The following SPATA16 variants were observed in gnomAD, a reference collection of about 807,000 sequenced individuals.
SPATA16 encodes the protein spermatogenesis associated 16, also known as spermatogenesis-associated protein 16.
In SPATA16, 36 loss-of-function variants were observed where a neutral mutation model predicts 63.3. That is an observed-to-expected ratio of 0.57 (90% CI 0.44 to 0.75). The LOEUF is 0.75. SPATA16 is among the 30% of genes least tolerant of loss of function. The probability of loss-of-function intolerance (pLI) is 0.00; values close to 1 mark genes in which losing one functional copy is unlikely to be tolerated. For missense variants in SPATA16, 646 were observed against 679.3 expected (o/e 0.95, Z 0.54); for synonymous variants, 203 against 216.7 (o/e 0.94, Z 0.56).
At chr3:173,098,373 T>G (rs1737410707) in intron 2 of SPATA16, among the ~76,000 whole-genome samples, 1 of 152,216 alleles carries the variant, frequency 6.6e-6, no homozygotes, top group African/African-American at 2.4e-5. Context: ...GCAATTGATG[T>G]AGACCCTAAT....
chr3:173,060,776 T>A (rs550203207), intron 2 of SPATA16, among the ~76,000 whole-genome samples: 1 of 152,372 alleles, frequency 6.6e-6, no homozygotes, highest in South Asian at 2.1e-4. Context: ...AGCTACTCAC[T>A]ACTTTTTAAA....
At chr3:172,893,989 G>A (rs1731951243) in intron 10 of SPATA16, among the ~76,000 whole-genome samples, 1 of 152,098 alleles carries the variant, frequency 6.6e-6, no homozygotes, top group Non-Finnish European at 1.5e-5. Context: ...AAAGAAGAAA[G>A]TTGAGGAAAT....
At chr3:173,027,973 TTCTCCCTC>T (rs1464559998) in intron 3 of SPATA16, among the ~76,000 whole-genome samples, 2 of 84,824 alleles carry the variant, frequency 2.4e-5, no homozygotes, top group African/African-American at 8.9e-5. Flanking sequence ...AATTTATTTT[TTCTCCCTC>T]CCTCCCTCCC....
intron 2 of SPATA16, among the ~76,000 whole-genome samples, chr3:173,088,008 G>A (rs67180006): frequency 0.084 from 7,639 of 90,806 alleles, 501 homozygotes; most frequent in South Asian, 0.12. Context: ...TTTTCTTTCC[G>A]TCTTTCTTTC....
intron 6 of SPATA16, among the ~76,000 whole-genome samples, chr3:172,940,219 G>A (rs544185644): frequency 2.0e-5 from 3 of 152,292 alleles, no homozygotes; most frequent in African/African-American, 4.8e-5. Context: ...TGAACATGAC[G>A]AGGGGGTTGT....
chr3:173,088,016 T>A (rs745871944), intron 2 of SPATA16, among the ~76,000 whole-genome samples: 4,138 of 69,878 alleles, frequency 0.059, 226 homozygotes, highest in African/African-American at 0.097. Context: ...CCGTCTTTCT[T>A]TCTTTCTTTC....
At chr3:172,974,763 TA>T (rs1734117134) in intron 5 of SPATA16, among the ~76,000 whole-genome samples, 2 of 152,138 alleles carry the variant, frequency 1.3e-5, no homozygotes, top group East Asian at 3.9e-4. Flanking sequence ...ATTTTAGTGC[TA>T]AAATGGGCTT....
chr3:173,093,028 T>G (rs1342767220), intron 2 of SPATA16, among the ~76,000 whole-genome samples: 1 of 145,158 alleles, frequency 6.9e-6, no homozygotes, highest in East Asian at 2.0e-4. Context: ...ATTGTAATTT[T>G]TATGCACCTA....
intron 3 of SPATA16, among the ~76,000 whole-genome samples, chr3:173,047,007 T>A (rs1041711805): frequency 6.6e-6 from 1 of 151,958 alleles, no homozygotes; most frequent in Admixed American, 6.6e-5. Context: ...GAAAGATAAC[T>A]TTACTATTCA....
intron 7 of SPATA16, 37 bp from the exon 8 acceptor site, chr3:172,924,354 T>C: frequency 6.8e-7 from 1 of 1,468,318 alleles, no homozygotes; most frequent in Non-Finnish European, 9.5e-7. Context: ...TACTATTTTC[T>C]CCAGACTTCC....
intron 2 of SPATA16, among the ~76,000 whole-genome samples, chr3:173,055,989 T>G: frequency 6.6e-6 from 1 of 152,222 alleles, no homozygotes; most frequent in East Asian, 1.9e-4. Context: ...ATTTTAATCA[T>G]GTTTAACTGG....
chr3:173,124,976 C>G (rs148341945), intron 1 of SPATA16, among the ~76,000 whole-genome samples: 1 of 152,276 alleles, frequency 6.6e-6, no homozygotes, highest in East Asian at 1.9e-4. Context: ...CCTCCTAAAA[C>G]ATCAAAATTG....
rs774044969 is a variant in SPATA16 at position 172,976,953 on chromosome 3, G to A, written c.933+15C>T. The A allele has an allele frequency of 1.1e-5, 17 of 1,606,734 alleles. No homozygotes were observed. Among genetic ancestry groups the A allele is most frequent in the Admixed American group, 1.7e-5 (1 of 59,924 alleles). Reference sequence around the variant, plus strand: ...AGATGGGTTTCTCCTCCCTAGTTGGGACATCAATTTTTACCTGCCAATACA... The same window carrying A: ...AGATGGGTTTCTCCTCCCTAGTTGGAACATCAATTTTTACCTGCCAATACA... On this transcript the variant is annotated intron_variant, in intron 5 of 10. Coordinates refer to ENST00000351008, the MANE Select transcript of SPATA16 (RefSeq NM_031955.6).
chr3:172,925,551 T>A (rs367603647), intron 6 of SPATA16, 59 bp from the exon 7 acceptor site: 36 of 1,607,210 alleles, frequency 2.2e-5, no homozygotes, highest in Non-Finnish European at 3.0e-5. Flanking sequence ...ATTTTTAGGG[T>A]TTTCCCCCCC....
chr3:172,896,957 T>C (rs1171565209), intron 10 of SPATA16, among the ~76,000 whole-genome samples: 1 of 152,106 alleles, frequency 6.6e-6, no homozygotes, highest in East Asian at 1.9e-4. Flanking sequence ...TTTGATGAAG[T>C]CTAATTTATA....
chr3:172,998,511 C>T (rs762729467), intron 4 of SPATA16, among the ~76,000 whole-genome samples: 1 of 152,084 alleles, frequency 6.6e-6, no homozygotes, highest in Non-Finnish European at 1.5e-5. Flanking sequence ...TTCTTTCTTA[C>T]AAATGTGTAT....
intron 9 of SPATA16, among the ~76,000 whole-genome samples, chr3:172,915,789 T>G (rs979525073): frequency 6.6e-6 from 1 of 152,172 alleles, no homozygotes; most frequent in African/African-American, 2.4e-5. Context: ...CCCCATCTAT[T>G]TTGACTAGCT....
At chr3:172,916,575 C>T (rs528404470) in intron 8 of SPATA16, 94 bp from the exon 9 acceptor site, 2 of 1,331,724 alleles carry the variant, frequency 1.5e-6, no homozygotes, top group African/African-American at 2.9e-5. Flanking sequence ...AACGTATTTA[C>T]ATCTTTTGAA....
At chr3:173,130,444 T>C (rs1371725974) in intron 1 of SPATA16, among the ~76,000 whole-genome samples, 2 of 151,958 alleles carry the variant, frequency 1.3e-5, no homozygotes, top group African/African-American at 2.4e-5. Context: ...CATTTTAATA[T>C]TTTATAATCG....
Sources: allele counts gnomAD v4.1 joint callset (sites outside exome capture counted in the v4.1 genomes callset), GRCh38; gene constraint gnomAD v4.1.1; transcripts MANE v1.5; gene names NCBI Gene and HGNC (gene_info 2026-07-23, HGNC 2026-07-21).